Variants in GRK1 observed in about 807,000 individuals in gnomAD.
GRK1 encodes G protein-coupled receptor kinase 1, also known as rhodopsin kinase GRK1.
In GRK1, 28 loss-of-function variants were observed where a neutral mutation model predicts 41.7. The observed-to-expected ratio is 0.67, with a 90% CI of 0.50 to 0.92. The LOEUF is 0.92. Among genes scored for constraint, GRK1 ranks in the 40% least tolerant of loss-of-function variants. The probability of loss-of-function intolerance (pLI) is 0.00; values close to 1 mark genes in which losing one functional copy is unlikely to be tolerated. For missense variants in GRK1, 703 were observed against 671.2 expected (o/e 1.05, Z -0.52); for synonymous variants, 327 against 286.7 (o/e 1.14, Z -1.42).
chr13:113,668,599 G>A (rs565501635), intron 1 of GRK1, among the ~76,000 whole-genome samples: 5 of 152,332 alleles, frequency 3.3e-5, no homozygotes, highest in African/African-American at 9.6e-5. Context: ...TGCTGTCCTC[G>A]GGGGTGGGAG....
At chr13:113,653,886 G>C in the GRK1 span, among the ~76,000 whole-genome samples, 483 of 152,368 alleles carry the variant, frequency 3.2e-3, 2 homozygotes, top group African/African-American at 0.011. Flanking sequence ...ACGCAGAGCC[G>C]TCGACTTTCC....
the GRK1 span, chr13:113,649,157 A>G: frequency 6.8e-6 from 3 of 444,358 alleles, no homozygotes; most frequent in East Asian, 1.3e-4. This position sits in a 1 kb window ranked among gnomAD's most constrained non-coding sequence, Gnocchi z 4.7. Context: ...AGCAAATTCC[A>G]TCTAAAAACT....
chr13:113,729,944 C>T (rs936958221), intron 4 of GRK1, among the ~76,000 whole-genome samples: 1 of 148,986 alleles, frequency 6.7e-6, no homozygotes, highest in African/African-American at 2.5e-5. Flanking sequence ...AGACAGTCCC[C>T]GCGGCTGCGC....
chr13:113,732,960 A>T lies in GRK1; in HGVS notation c.1271A>T (p.Lys424Met). ...KYPDKFSQAS[K>M]DFCEALLEKD... is the part of the protein sequence containing the mutation. ...CCTGATAAGTTCAGCCAGGCCAGCA[A>T]GGACTTCTGCGAGGCGCTGCTGGAG... Residue 424 changes from lysine to methionine, a missense_variant, in exon 6 of 7, where the codon AAG becomes ATG. Coordinates refer to ENST00000335678, the MANE Select transcript of GRK1 (RefSeq NM_002929.3). 2.0e-6 allele frequency: 3 copies of T among 1,537,080 alleles called. No homozygotes were observed. Among genetic ancestry groups the T allele is most frequent in the African/African-American group, 2.7e-5 (2 of 73,180 alleles).
At chr13:113,650,014 T>G in the GRK1 span, among the ~76,000 whole-genome samples, 1 of 151,906 alleles carries the variant, frequency 6.6e-6, no homozygotes, top group African/African-American at 2.4e-5. The surrounding 1 kb of genome is among the most constrained non-coding windows in gnomAD (Gnocchi z 5.0). Flanking sequence ...AATACGAAAA[T>G]TAGCTGGGCA....
At chr13:113,730,632 T>G (rs1873118083) in intron 4 of GRK1, among the ~76,000 whole-genome samples, 1 of 152,180 alleles carries the variant, frequency 6.6e-6, no homozygotes. Context: ...CACAGTCCTG[T>G]GGTTAAGGGC....
chr13:113,664,611 C>T (rs2049806635), upstream of GRK1, among the ~76,000 whole-genome samples: 1 of 152,206 alleles, frequency 6.6e-6, no homozygotes, highest in African/African-American at 2.4e-5. The surrounding 1 kb of genome is among the most constrained non-coding windows in gnomAD (Gnocchi z 5.4). Flanking sequence ...AACATGACTG[C>T]AGGTGGAACG....
Position 113,733,001 on chromosome 13 carries a change from C to G in GRK1, c.1312C>G (p.Arg438Gly). Residue 438 changes from arginine (R) to glycine (G), a missense_variant, in exon 6 of 7, where the codon CGC (arginine) becomes GGC (glycine). Arg to Gly is a moderately radical substitution (Grantham distance 125). Transcript: ENST00000335678. ...GCTGCTGGAGAAGGACCCGGAGAAG[C>G]GCCTGGGGTTCAGAGATGAGACCTG... ...EALLEKDPEK[R>G]LGFRDETCDK... 6.5e-7 allele frequency: 1 copy of G among 1,537,102 alleles called. No individual in the cohort carries two copies. Among genetic ancestry groups the G allele is most frequent in the Non-Finnish European group, 8.7e-7 (1 of 1,146,912 alleles).
the GRK1 span, among the ~76,000 whole-genome samples, chr13:113,658,650 G>A: frequency 1.7e-4 from 26 of 152,212 alleles, no homozygotes; most frequent in African/African-American, 3.4e-4. Flanking sequence ...CGGCCGCCCC[G>A]ATTCTGGGTC....
rs1420174375 is a variant in GRK1 at position 113,735,104 on chromosome 13, CTG to C, written c.1435_1436del (p.Val479LeufsTer20). ...CCCCCTTTCATCCCAGACTCCAAAA[CTG>C]TCTACGCAAAGGATATTCAGGACGT... On this transcript the variant is annotated frameshift_variant, in exon 7 of 7. Coordinates refer to ENST00000335678, the MANE Select transcript of GRK1 (RefSeq NM_002929.3). LOFTEE classifies it low-confidence loss of function (END_TRUNC). 4.5e-5 allele frequency: 69 copies of C among 1,532,784 alleles called. No individual in the cohort carries two copies. The highest frequency in any genetic ancestry group is 5.8e-5 in the Non-Finnish European group (66 of 1,143,236). 94.9% of individuals were successfully genotyped at this position (1,532,784 alleles called of 1,614,324 possible).
rs1594573233 is a variant in GRK1, at chr13:113,672,557, T to TGAC, written c.985+901_985+902insGAC. Among the ~76,000 whole-genome samples, 2 of 4,996 alleles carry TGAC rather than the reference T, an allele frequency of 4.0e-4. 1 individual carries two copies. Among genetic ancestry groups the TGAC allele is most frequent in the Non-Finnish European group, 6.8e-4 (2 of 2,944 alleles). The allele number at this position is 4,996 out of a possible 152,430, so 3.3% of individuals were successfully genotyped here. ...AGGTGTGTATGTAGTCTTTGGTTGT[T>TGAC]TTTGTACAGTATATATCAATTCTGT... On this transcript the variant is annotated intron_variant, in intron 3 of 6. Coordinates refer to ENST00000335678, the MANE Select transcript of GRK1 (RefSeq NM_002929.3).
At chr13:113,657,024 A>G in the GRK1 span, among the ~76,000 whole-genome samples, 250 of 152,292 alleles carry the variant, frequency 1.6e-3, no homozygotes, top group African/African-American at 5.6e-3. Flanking sequence ...AAATGCGCCC[A>G]TGACTCCAGC....
intron 1 of GRK1, 47 bp downstream of exon 1, chr13:113,668,132 G>C: frequency 6.5e-7 from 1 of 1,550,158 alleles, no homozygotes; most frequent in Non-Finnish European, 8.7e-7. Context: ...CAGGGTGCAG[G>C]GATGGGGCGG....
In GRK1 at chr13:113,671,920, C is replaced by T. The variant is rs988188722; in HGVS notation, c.985+264C>T. 1.4e-4 allele frequency among the ~76,000 whole-genome samples: 22 copies of T among 152,192 alleles called. No individual in the cohort carries two copies. In the South Asian group the frequency reaches 4.6e-3, roughly 32 times the overall value. On this transcript the variant is annotated intron_variant, in intron 3 of 6. Coordinates refer to ENST00000335678, the MANE Select transcript of GRK1 (RefSeq NM_002929.3). The surrounding 1 kb of genome is among the most constrained non-coding windows in gnomAD (Gnocchi z 4.1). ...CCACCTTCCTTCTGCCTGAATGAGG[C>T]GTCACACAGGGATTCTTCTCAGAAA...
At position 113,735,327 on chromosome 13, in the gene GRK1, C is replaced by T. The variant is rs754373105; in HGVS notation, c.1656C>T (p.Ser552=). The T allele has an allele frequency of 6.6e-7, 1 of 1,525,202 alleles. No individual in the cohort carries two copies. The highest frequency in any genetic ancestry group is 1.2e-5 in the South Asian group (1 of 82,970). 94.5% of individuals were successfully genotyped at this position (1,525,202 alleles called of 1,614,324 possible). A position where few individuals can be genotyped will look rare whatever the true frequency, so the allele number is the denominator to read the frequency against. ...DDMKGISGGS[S]SSSKSGMCLV... Reference sequence around the variant, plus strand: ...TGAAGGGCATCTCCGGGGGCTCCAGCTCCTCGTCCAAGTCAGGGATGTGTC... The same window carrying T: ...TGAAGGGCATCTCCGGGGGCTCCAGTTCCTCGTCCAAGTCAGGGATGTGTC... Residue 552 remains serine (S), a synonymous_variant, in exon 7 of 7, where the codon AGC becomes AGT. Transcript: ENST00000335678.
the GRK1 span, among the ~76,000 whole-genome samples, chr13:113,653,980 G>A: frequency 6.6e-6 from 1 of 152,070 alleles, no homozygotes. Flanking sequence ...GTTTACTGCA[G>A]GTCCTTAGGA....
At chr13:113,727,857 G>A (rs1436698614) in intron 4 of GRK1, among the ~76,000 whole-genome samples, 2 of 99,526 alleles carry the variant, frequency 2.0e-5, no homozygotes, top group Admixed American at 1.0e-4. Context: ...GCGATGAGGA[G>A]TACCCATGGC....
At chr13:113,664,589 C>T (rs781214754), upstream of GRK1, among the ~76,000 whole-genome samples, 1 of 152,110 alleles carries the variant, frequency 6.6e-6, no homozygotes, top group Non-Finnish European at 1.5e-5. This position sits in a 1 kb window ranked among gnomAD's most constrained non-coding sequence, Gnocchi z 5.4. Flanking sequence ...TTTATTTAAC[C>T]GAACGCTTCC....
the GRK1 span, chr13:113,652,750 T>C: frequency 1.8e-6 from 2 of 1,125,664 alleles, no homozygotes; most frequent in Non-Finnish European, 2.6e-6. Context: ...GTGGTGAGGC[T>C]GGAGTCCCTG....
Sources: allele counts gnomAD v4.1 joint callset (sites outside exome capture counted in the v4.1 genomes callset), GRCh38; gene constraint gnomAD v4.1.1; non-coding constraint Gnocchi (gnomAD v3.1); transcripts MANE v1.5; gene names NCBI Gene and HGNC (gene_info 2026-07-23, HGNC 2026-07-21).